The following ITGA8 variants were observed in gnomAD, a reference collection of about 807,000 sequenced individuals.
ITGA8 encodes integrin subunit alpha 8, also known as integrin alpha-8.
A neutral mutation model predicts 142.3 loss-of-function variants in ITGA8; 91 were observed. The observed-to-expected ratio is 0.64, with a 90% CI of 0.54 to 0.76. ITGA8 has a LOEUF of 0.76. Among genes scored for constraint, ITGA8 ranks in the 30% least tolerant of loss-of-function variants. The pLI is 0.00. For missense variants in ITGA8, 1,406 were observed against 1,327.7 expected (o/e 1.06, Z -0.92); for synonymous variants, 505 against 485.2 (o/e 1.04, Z -0.54).
intron 26 of ITGA8, 137 bp downstream of exon 26, chr10:15,557,936 TA>T: frequency 9.2e-7 from 1 of 1,092,114 alleles, no homozygotes; most frequent in Non-Finnish European, 1.3e-6. Context: ...ATTCTCGAGA[TA>T]AACACTGCCA....
At chr10:15,665,099 C>T (rs4443973) in intron 8 of ITGA8, among the ~76,000 whole-genome samples, 87,673 of 151,946 alleles carry the variant, frequency 0.58, 26,428 homozygotes, top group South Asian at 0.75. Flanking sequence ...ACACTGACTT[C>T]CACAATGGTT....
chr10:15,688,044 AAAG>A lies in ITGA8; in HGVS notation c.344-9_344-7del. On this transcript the variant is annotated splice_region_variant and splice_polypyrimidine_tract_variant and intron_variant, in intron 2 of 29. Coordinates refer to ENST00000378076, the MANE Select transcript of ITGA8 (RefSeq NM_003638.3). ...AACTCTGATCTTTCTGTTGTCTGTCAAAGAAGATAGGAAGAGTTAATAATTTGT... is the reference window on the plus strand; with the variant it reads ...AACTCTGATCTTTCTGTTGTCTGTCAAAGATAGGAAGAGTTAATAATTTGT... The A allele has an allele frequency of 1.9e-6, 3 of 1,579,616 alleles. No individual in the cohort carries two copies. The highest frequency in any genetic ancestry group is 1.7e-6 in the Non-Finnish European group (2 of 1,148,680).
chr10:15,640,896 G>A (rs1833859005), intron 13 of ITGA8, among the ~76,000 whole-genome samples: 1 of 152,186 alleles, frequency 6.6e-6, no homozygotes, highest in Admixed American at 6.5e-5. Flanking sequence ...AGAAGCTTGA[G>A]CAATGCCCCA....
chr10:15,520,497 G>T (rs1350128995), intron 28 of ITGA8, among the ~76,000 whole-genome samples: 1 of 152,164 alleles, frequency 6.6e-6, no homozygotes, highest in Non-Finnish European at 1.5e-5. Context: ...TTGCAAGGGG[G>T]CTTAGAGGAA....
intron 13 of ITGA8, among the ~76,000 whole-genome samples, chr10:15,639,707 G>A (rs1481043552): frequency 6.6e-6 from 1 of 152,194 alleles, no homozygotes; most frequent in Non-Finnish European, 1.5e-5. Flanking sequence ...CATTCCCAAA[G>A]TACTGCACAC....
chr10:15,648,531 TAAG>T (rs1210005794), intron 11 of ITGA8, among the ~76,000 whole-genome samples: 1 of 150,752 alleles, frequency 6.6e-6, no homozygotes. Flanking sequence ...ATACAAAAAT[TAAG>T]ATATATCAAT....
At position 15,615,234 on chromosome 10, in the gene ITGA8, C is replaced by T. The variant is rs181267778; in HGVS notation, c.1445+1280G>A. 2.3e-3 allele frequency among the ~76,000 whole-genome samples: 348 copies of T among 152,294 alleles called. 2 individuals are homozygous for T. In the Middle Eastern group the frequency reaches 0.031, roughly 13 times the overall value. ...TCTGAGTGGTGCACTCCACAGCCAC[C>T]GCAAACGCAAGCCCCATACTTCAGA... On this transcript the variant is annotated intron_variant, in intron 14 of 29. Transcript: ENST00000378076.
chr10:15,559,003 C>T (rs1213681701), intron 25 of ITGA8, among the ~76,000 whole-genome samples: 2 of 152,210 alleles, frequency 1.3e-5, no homozygotes, highest in Non-Finnish European at 2.9e-5. Context: ...TTCTTTCACA[C>T]AGTTTCTCTT....
At chr10:15,675,777 C>T (rs1173389557) in intron 6 of ITGA8, among the ~76,000 whole-genome samples, 2 of 152,138 alleles carry the variant, frequency 1.3e-5, no homozygotes, top group African/African-American at 4.8e-5. Context: ...TTAAAATCCC[C>T]CAGTGGTTTT....
chr10:15,640,460 GTTTATCTT>G (rs1220614783), intron 13 of ITGA8, among the ~76,000 whole-genome samples: 1 of 152,210 alleles, frequency 6.6e-6, no homozygotes, highest in Non-Finnish European at 1.5e-5. Context: ...GAAAGAAATT[GTTTATCTT>G]TTTAAGTTCC....
intron 25 of ITGA8, among the ~76,000 whole-genome samples, chr10:15,567,850 G>T (rs893457338): frequency 6.6e-6 from 1 of 152,082 alleles, no homozygotes; most frequent in Non-Finnish European, 1.5e-5. Context: ...ACGCCCTAAG[G>T]GTTGAAAGTG....
Position 15,516,968 on chromosome 10 carries a change from A to G in ITGA8, c.*190T>C. ...TCCAGCTTTGGTGTTTCCTTTTCCA[A>G]CAGGGCTCACTGGGCACCCAGGACA... On this transcript the variant is annotated 3_prime_UTR_variant, in exon 30 of 30. Transcript: ENST00000378076. 2.1e-6 allele frequency: 1 copy of G among 469,806 alleles called. No homozygotes were observed. The highest frequency in any genetic ancestry group is 3.8e-6 in the Non-Finnish European group (1 of 264,030). The allele number at this position is 469,806 out of a possible 1,614,324, so 29.1% of individuals were successfully genotyped here. A position where few individuals can be genotyped will look rare whatever the true frequency, so the allele number is the denominator to read the frequency against.
intron 21 of ITGA8, among the ~76,000 whole-genome samples, chr10:15,593,279 A>G (rs1021878000): frequency 2.6e-5 from 4 of 152,214 alleles, no homozygotes; most frequent in Non-Finnish European, 5.9e-5. Context: ...CAATGATGAT[A>G]TAAATAAGGA....
At chr10:15,711,399 G>T (rs946043266) in intron 2 of ITGA8, among the ~76,000 whole-genome samples, 3 of 152,066 alleles carry the variant, frequency 2.0e-5, no homozygotes, top group Admixed American at 1.3e-4. Context: ...TGGGCTCAGA[G>T]CAACAGCCAC....
chr10:15,616,568 G>T lies in ITGA8; in HGVS notation c.1400-9C>A, dbSNP rs370088486. 5.2e-5 allele frequency: 84 copies of T among 1,610,704 alleles called. No homozygotes were observed. In the African/African-American group the frequency reaches 9.5e-4, roughly 18 times the overall value. ...TGCACCCACAATCAAATCTTAAAAA[G>T]ACAAAAACACAGAACACATGCGTGA... On this transcript the variant is annotated splice_polypyrimidine_tract_variant and intron_variant, in intron 13 of 29. Coordinates refer to ENST00000378076, the MANE Select transcript of ITGA8 (RefSeq NM_003638.3).
intron 8 of ITGA8, among the ~76,000 whole-genome samples, chr10:15,670,866 A>G (rs1273101932): frequency 1.3e-5 from 2 of 152,186 alleles, no homozygotes; most frequent in Admixed American, 1.3e-4. Flanking sequence ...AAAGTCTGGC[A>G]GTCAAGCTGA....
chr10:15,660,214 G>A (rs1220679101), intron 9 of ITGA8, among the ~76,000 whole-genome samples: 1 of 152,132 alleles, frequency 6.6e-6, no homozygotes, highest in African/African-American at 2.4e-5. Flanking sequence ...TATGTGACTT[G>A]TGCAGTCACA....
intron 3 of ITGA8, among the ~76,000 whole-genome samples, chr10:15,686,670 A>G (rs375384558): frequency 1.3e-5 from 2 of 152,248 alleles, no homozygotes; most frequent in African/African-American, 4.8e-5. Context: ...AAATTATACC[A>G]TATAGGAAAG....
rs201400361 is a variant in ITGA8 at position 15,574,715 on chromosome 10, T to TATA, written c.2478+773_2478+774insTAT. On this transcript the variant is annotated intron_variant, in intron 24 of 29. Coordinates refer to ENST00000378076, the MANE Select transcript of ITGA8 (RefSeq NM_003638.3). ...CTTTTATATATATGTATATATATAT[T>TATA]TTTTTTTTAGCACAATAATGAATAG... Among the ~76,000 whole-genome samples the TATA allele has an allele frequency of 8.4e-5, 8 of 95,268 alleles. No homozygotes were observed. In the East Asian group the frequency reaches 3.1e-3, roughly 37 times the overall value. The allele number at this position is 95,268 out of a possible 152,430, so 62.5% of individuals were successfully genotyped here. A position where few individuals can be genotyped will look rare whatever the true frequency, so the allele number is the denominator to read the frequency against.
Sources: allele counts gnomAD v4.1 joint callset (sites outside exome capture counted in the v4.1 genomes callset), GRCh38; gene constraint gnomAD v4.1.1; transcripts MANE v1.5; gene names NCBI Gene and HGNC (gene_info 2026-07-23, HGNC 2026-07-21).